NPHP4: variants seen among roughly 807,000 people sequenced by gnomAD.
NPHP4 encodes the protein nephrocystin 4.
NPHP4 carries 151 observed loss-of-function variants against 155.8 expected under a neutral mutation model. The ratio of observed to expected loss-of-function variants is 0.97; its 90% CI spans 0.85 to 1.11. The LOEUF is 1.11. Among genes scored for constraint, NPHP4 ranks in the 50% least tolerant of loss-of-function variants. The pLI, the probability that NPHP4 is intolerant of heterozygous loss-of-function variation, is 0.00. For missense variants in NPHP4, 1,956 were observed against 1,925.7 expected (o/e 1.02, Z -0.29); for synonymous variants, 845 against 816.8 (o/e 1.03, Z -0.59).
chr1:5,936,561 A>G (rs1646550824), intron 9 of NPHP4, among the ~76,000 whole-genome samples: 1 of 152,248 alleles, frequency 6.6e-6, no homozygotes, highest in South Asian at 2.1e-4. Flanking sequence ...GCTCCCATTT[A>G]GACTTTTTAA....
At chr1:5,878,549 G>C (rs1182686212) in intron 19 of NPHP4, among the ~76,000 whole-genome samples, 1 of 152,252 alleles carries the variant, frequency 6.6e-6, no homozygotes, top group Non-Finnish European at 1.5e-5. Flanking sequence ...TGCACTTGGG[G>C]TAAGGCACGA....
intron 6 of NPHP4, among the ~76,000 whole-genome samples, chr1:5,957,886 G>C (rs770259171): frequency 4.6e-5 from 7 of 151,872 alleles, no homozygotes; most frequent in Non-Finnish European, 1.0e-4. Flanking sequence ...TGGTGACTGT[G>C]GTTAGATTTG....
At position 5,907,138 on chromosome 1, in the gene NPHP4, A is replaced by T. The variant is rs1644946342; in HGVS notation, c.1588T>A (p.Ser530Thr). 1 of 1,561,404 alleles carries T rather than the reference A, an allele frequency of 6.4e-7. No homozygotes were observed. The highest frequency in any genetic ancestry group is 1.4e-5 in the African/African-American group (1 of 73,408). Reference protein sequence around the residue: ...ARPTSQLPHGSQASPAQAQEF... With the variant: ...ARPTSQLPHGTQASPAQAQEF... ...ACTGCCTGGGCCGGGGAGGCCTGAG[A>T]GCCATGGGGTAGCTGTGAAGTAGGC... Residue 530 changes from serine (S) to threonine (T), a missense_variant, in exon 13 of 30, where the codon TCT (serine) becomes ACT (threonine). Ser to Thr is a moderately conservative substitution (Grantham distance 58). Transcript: ENST00000378156.
Position 5,957,270 on chromosome 1 carries a change from C to G in NPHP4, c.674-4434G>C, listed in dbSNP as rs116781831. 5.7e-3 allele frequency among the ~76,000 whole-genome samples: 869 copies of G among 152,318 alleles called. 13 individuals carry two copies. The highest frequency in any genetic ancestry group is 0.02 in the African/African-American group (831 of 41,558). ...TTATTCTGGGACCCCCATAAGCACA[C>G]TACAGAGAAAACAGGGATTGCCAGC... On this transcript the variant is annotated intron_variant, in intron 6 of 29. Transcript: ENST00000378156.
chr1:5,951,716 C>T (rs906471348), intron 7 of NPHP4, among the ~76,000 whole-genome samples: 1 of 152,230 alleles, frequency 6.6e-6, no homozygotes, highest in African/African-American at 2.4e-5. Flanking sequence ...GACAGATTAT[C>T]GCCTAGAAAA....
In NPHP4 at chr1:5,864,415, G is replaced by C. The variant is rs769313673; in HGVS notation, c.3919C>G (p.Leu1307Val). Residue 1307 changes from leucine (L) to valine (V), a missense_variant, in exon 28 of 30, where the codon CTG (leucine) becomes GTG (valine). Coordinates refer to ENST00000378156, the MANE Select transcript of NPHP4 (RefSeq NM_015102.5). ...AGCTGGTGGCAATCCACGTCCACCAGGTTGAGATGGACAAAGCGGCTGCCG... is the reference window on the plus strand; with the variant it reads ...AGCTGGTGGCAATCCACGTCCACCACGTTGAGATGGACAAAGCGGCTGCCG... The part of the protein sequence containing the change: ...RAGSRFVHLN[L>V]VDVDCHQLVA... 1.2e-6 allele frequency: 2 copies of C among 1,611,902 alleles called. No individual in the cohort carries two copies. The highest frequency in any genetic ancestry group is 1.1e-5 in the South Asian group (1 of 90,734).
chr1:5,952,923 C>G, intron 6 of NPHP4, 87 bp from the exon 7 acceptor site: 2 of 1,289,612 alleles, frequency 1.6e-6, no homozygotes, highest in Non-Finnish European at 2.1e-6. Context: ...ACCCCAGCCT[C>G]AGCCGGGGCC....
chr1:5,925,463 C>T (rs1645951868), intron 11 of NPHP4, among the ~76,000 whole-genome samples: 1 of 152,126 alleles, frequency 6.6e-6, no homozygotes, highest in African/African-American at 2.4e-5. Context: ...ACAAAATATA[C>T]CCAATTTATA....
At chr1:5,945,104 C>T (rs1647023060) in intron 9 of NPHP4, among the ~76,000 whole-genome samples, 1 of 152,206 alleles carries the variant, frequency 6.6e-6, no homozygotes, top group Admixed American at 6.5e-5. Flanking sequence ...ATCGCTAAGA[C>T]ATCTTGGTTT....
chr1:5,867,355 A>T lies in NPHP4; in HGVS notation c.3473-240T>A, dbSNP rs891860444. The T allele has an allele frequency of 5.4e-6, 3 of 550,810 alleles. No homozygotes were observed. In the South Asian group the frequency reaches 7.3e-5, roughly 13 times the overall value. 34.1% of individuals were successfully genotyped at this position (550,810 alleles called of 1,614,324 possible). A position where few individuals can be genotyped will look rare whatever the true frequency, so the allele number is the denominator to read the frequency against. On this transcript the variant is annotated intron_variant, in intron 24 of 29. Coordinates refer to ENST00000378156, the MANE Select transcript of NPHP4 (RefSeq NM_015102.5). This position sits in a 1 kb window ranked among gnomAD's most constrained non-coding sequence, Gnocchi z 4.1. ...GCTGCAGCCATCTCCACAGGGAATAATCGAGGGGGCCACAAAAAAGAAAAC... is the reference window on the plus strand; with the variant it reads ...GCTGCAGCCATCTCCACAGGGAATATTCGAGGGGGCCACAAAAAAGAAAAC...
intron 20 of NPHP4, 158 bp downstream of exon 20, chr1:5,876,935 T>C: frequency 2.1e-6 from 1 of 466,664 alleles, no homozygotes. Context: ...ACTTAAAGAT[T>C]TCCCCCGGTG....
chr1:5,900,228 A>C (rs552403408), intron 16 of NPHP4, among the ~76,000 whole-genome samples: 1 of 152,372 alleles, frequency 6.6e-6, no homozygotes, highest in South Asian at 2.1e-4. Flanking sequence ...CTGTGAGTTG[A>C]AAGATTATGT....
chr1:5,874,629 C>T lies in NPHP4; in HGVS notation c.3073G>A (p.Asp1025Asn), dbSNP rs760874774. 7 of 1,612,156 alleles carry T rather than the reference C, an allele frequency of 4.3e-6. No homozygotes were observed. The highest frequency in any genetic ancestry group is 5.1e-6 in the Non-Finnish European group (6 of 1,179,578). ...TGCAGGCCAGCAGCACCCTTGAAGT[C>T]CCTCCACTCCTGACTGTCCACGATG... ...SVIVDSQEWR[D>N]FKGAAGLHTP... is the part of the protein sequence containing the mutation. The change falls in exon 22 of 30, where the codon GAC (aspartate) becomes AAC (asparagine). Residue 1025 changes from aspartate to asparagine, a missense_variant. Asp to Asn is a conservative substitution (Grantham distance 23). Transcript: ENST00000378156.
At position 5,904,725 on chromosome 1, in the gene NPHP4, T is replaced by C. The variant is rs201642456; in HGVS notation, c.2035A>G (p.Thr679Ala). 57 of 1,614,018 alleles carry C rather than the reference T, an allele frequency of 3.5e-5. No individual in the cohort carries two copies. The African/African-American group carries it at 6.5e-4, about 18-fold the overall frequency. ...TFQFYRFPPA[T>A]TPRLQLVQLD... ...TGGACCAGCTGCAGTCGTGGCGTCG[T>C]TGCGGGTGGGAAGCGGTAGAACTGG... is the stretch of plus-strand genomic sequence containing the variant. Residue 679 changes from threonine (T) to alanine (A), a missense_variant, in exon 16 of 30, where the codon ACG becomes GCG. Transcript: ENST00000378156.
rs1645107343 is a variant in NPHP4, at chr1:5,910,111, AC to A, written c.1442-899del. On this transcript the variant is annotated intron_variant, in intron 11 of 29. Coordinates refer to ENST00000378156, the MANE Select transcript of NPHP4 (RefSeq NM_015102.5). The surrounding 1 kb of genome is among the most constrained non-coding windows in gnomAD (Gnocchi z 5.4). ...CTCGTCTCTTACGGTCATTTCACAT[AC>A]ACTGCCATTTGCCTTTGCCCACCAT... Among the ~76,000 whole-genome samples, 1 of 152,128 alleles carries A rather than the reference AC, an allele frequency of 6.6e-6. No homozygotes were observed. Among genetic ancestry groups the A allele is most frequent in the Non-Finnish European group, 1.5e-5 (1 of 68,020 alleles).
chr1:5,874,614 C>T lies in NPHP4; in HGVS notation c.3088G>A (p.Ala1030Thr), dbSNP rs772093324. ...TCCTCCACCGGTGTGTGCAGGCCAG[C>T]AGCACCCTTGAAGTCCCTCCACTCC... ...SQEWRDFKGA[A>T]GLHTPVEEDM... The change falls in exon 22 of 30, where the codon GCT becomes ACT. Residue 1030 changes from alanine (A) to threonine (T), a missense_variant. Coordinates refer to ENST00000378156, the MANE Select transcript of NPHP4 (RefSeq NM_015102.5). 1 of 1,612,208 alleles carries T rather than the reference C, an allele frequency of 6.2e-7. No individual in the cohort carries two copies. The highest frequency in any genetic ancestry group is 8.5e-7 in the Non-Finnish European group (1 of 1,179,548).
At position 5,905,248 on chromosome 1, in the gene NPHP4, G is replaced by C. The variant is rs1644856877; in HGVS notation, c.1955+44C>G. 2 of 1,505,366 alleles carry C rather than the reference G, an allele frequency of 1.3e-6. No homozygotes were observed. Among genetic ancestry groups the C allele is most frequent in the East Asian group, 4.5e-5 (2 of 44,240 alleles). 93.3% of individuals were successfully genotyped at this position (1,505,366 alleles called of 1,614,324 possible). A position where few individuals can be genotyped will look rare whatever the true frequency, so the allele number is the denominator to read the frequency against. ...TCAGCGAAGTTTCTCTTCAACACAGGAAATGTGAAAGCCAGATGAGTAACA... is the reference window on the plus strand; with the variant it reads ...TCAGCGAAGTTTCTCTTCAACACAGCAAATGTGAAAGCCAGATGAGTAACA... On this transcript the variant is annotated intron_variant, in intron 15 of 29. Transcript: ENST00000378156. The surrounding 1 kb of genome is among the most constrained non-coding windows in gnomAD (Gnocchi z 4.0).
Position 5,941,289 on chromosome 1 carries a change from C to CAAAAAAAAAAAAAAAAAAAAAAAAAA in NPHP4, c.1119+5814_1119+5815insTTTTTTTTTTTTTTTTTTTTTTTTTT, listed in dbSNP as rs66676950. Among the ~76,000 whole-genome samples the CAAAAAAAAAAAAAAAAAAAAAAAAAA allele has an allele frequency of 1.1e-4, 5 of 44,776 alleles. 1 individual carries two copies. Among genetic ancestry groups the CAAAAAAAAAAAAAAAAAAAAAAAAAA allele is most frequent in the African/African-American group, 9.8e-5 (1 of 10,166 alleles). The allele number at this position is 44,776 out of a possible 152,430, so 29.4% of individuals were successfully genotyped here. Reference sequence around the variant, plus strand: ...TCACACCACAAACAAGAGATCTAGACAAAAAAAAAAAAAAAAAAAAAAAAA... The same window carrying CAAAAAAAAAAAAAAAAAAAAAAAAAA: ...TCACACCACAAACAAGAGATCTAGACAAAAAAAAAAAAAAAAAAAAAAAAAAAAAAAAAAAAAAAAAAAAAAAAAAA... On this transcript the variant is annotated intron_variant, in intron 9 of 29. Coordinates refer to ENST00000378156, the MANE Select transcript of NPHP4 (RefSeq NM_015102.5).
At chr1:5,913,276 G>A (rs1231499993) in intron 11 of NPHP4, among the ~76,000 whole-genome samples, 2 of 152,052 alleles carry the variant, frequency 1.3e-5, no homozygotes, top group African/African-American at 4.8e-5. Context: ...CCAGATCTGA[G>A]AAGAGCAGGA....
Sources: gnomAD v4.1 joint callset for allele counts (sites outside exome capture counted in the v4.1 genomes callset) on GRCh38, gnomAD v4.1.1 for gene constraint, Gnocchi (gnomAD v3.1) non-coding constraint, MANE v1.5 for transcripts, NCBI Gene and HGNC (gene_info 2026-07-23, HGNC 2026-07-21) for gene names.